SLC44A5: variants seen among roughly 807,000 people sequenced by gnomAD.
The protein encoded by SLC44A5 is solute carrier family 44 member 5.
SLC44A5 carries 57 observed loss-of-function variants against 101.8 expected under a neutral mutation model. The ratio of observed to expected loss-of-function variants is 0.56; its 90% CI spans 0.45 to 0.70. The LOEUF is 0.70. Among genes scored for constraint, SLC44A5 ranks in the 30% least tolerant of loss-of-function variants. SLC44A5 has a pLI of 0.00. For missense variants in SLC44A5, 737 were observed against 853.1 expected (o/e 0.86, Z 1.70); for synonymous variants, 281 against 290.9 (o/e 0.97, Z 0.35).
chr1:75,304,268 ATTGT>A (rs1654739861), intron 4 of SLC44A5, among the ~76,000 whole-genome samples: 1 of 148,392 alleles, frequency 6.7e-6, no homozygotes, highest in African/African-American at 2.5e-5. Context: ...GATTCACTTT[ATTGT>A]TTTAGAAAAA....
intron 2 of SLC44A5, among the ~76,000 whole-genome samples, chr1:75,492,781 C>T (rs1284238871): frequency 6.6e-6 from 1 of 152,166 alleles, no homozygotes; most frequent in Non-Finnish European, 1.5e-5. Context: ...TTACTCAGCA[C>T]GTCTTCTCCC....
At chr1:75,337,074 T>G (rs759281157) in intron 4 of SLC44A5, among the ~76,000 whole-genome samples, 6 of 152,154 alleles carry the variant, frequency 3.9e-5, no homozygotes, top group Non-Finnish European at 8.8e-5. Flanking sequence ...CACTTACATA[T>G]GCTGACTGTT....
rs1314384657 is a variant in SLC44A5 at position 75,599,037 on chromosome 1, T to C, written c.-70+12003A>G. On this transcript the variant is annotated intron_variant, in intron 1 of 23. Coordinates refer to ENST00000370859, the MANE Select transcript of SLC44A5 (RefSeq NM_001130058.2). ...TGCCAGTTATGCTAAATTAATGCAATTGAATATTACCAAACCATTTAAAAT... is the reference window on the plus strand; with the variant it reads ...TGCCAGTTATGCTAAATTAATGCAACTGAATATTACCAAACCATTTAAAAT... Among the ~76,000 whole-genome samples the C allele has an allele frequency of 2.6e-5, 4 of 152,302 alleles. No homozygotes were observed. The South Asian group carries it at 6.2e-4, about 24-fold the overall frequency.
At chr1:75,326,771 T>A (rs1656630508) in intron 4 of SLC44A5, among the ~76,000 whole-genome samples, 1 of 152,066 alleles carries the variant, frequency 6.6e-6, no homozygotes, top group African/African-American at 2.4e-5. Context: ...AGTAGAAAAT[T>A]AAATTATGGA....
At chr1:75,251,972 C>G (rs1649616223) in intron 6 of SLC44A5, among the ~76,000 whole-genome samples, 1 of 152,142 alleles carries the variant, frequency 6.6e-6, no homozygotes, top group African/African-American at 2.4e-5. Context: ...GAAGATAATA[C>G]TATTCCTACC....
chr1:75,230,497 C>T (rs1647454186), intron 12 of SLC44A5, among the ~76,000 whole-genome samples: 1 of 152,086 alleles, frequency 6.6e-6, no homozygotes, highest in Non-Finnish European at 1.5e-5. Context: ...GATCCACCTG[C>T]CTTAGCTTCC....
intron 2 of SLC44A5, among the ~76,000 whole-genome samples, chr1:75,475,602 T>C (rs920684760): frequency 5.3e-5 from 8 of 152,210 alleles, no homozygotes; most frequent in Non-Finnish European, 1.2e-4. Context: ...TTCCCACTAT[T>C]TTAACTGCCA....
chr1:75,695,710 AAT>A, the SLC44A5 span, among the ~76,000 whole-genome samples: 2 of 148,376 alleles, frequency 1.3e-5, no homozygotes, highest in Admixed American at 6.8e-5. Context: ...TGTATATAAA[AAT>A]ATATGACTTA....
At chr1:75,242,145 T>G (rs1315818757) in intron 8 of SLC44A5, 84 bp from the exon 9 acceptor site, 1 of 989,406 alleles carries the variant, frequency 1.0e-6, no homozygotes, top group Non-Finnish European at 1.5e-6. Context: ...CTTTAAAAAA[T>G]TTAACTCCAT....
chr1:75,597,179 C>T (rs1237513355), intron 1 of SLC44A5, among the ~76,000 whole-genome samples: 2 of 122,598 alleles, frequency 1.6e-5, no homozygotes, highest in African/African-American at 6.5e-5. Flanking sequence ...TAGAGCCAGA[C>T]TTTGTCTCAA....
chr1:75,206,756 G>A, intron 23 of SLC44A5: 1 of 1,165,132 alleles, frequency 8.6e-7, no homozygotes, highest in Non-Finnish European at 1.3e-6. Flanking sequence ...AAAAGCAGAA[G>A]CAGCAGAACA....
chr1:75,421,236 CATAG>C (rs1256979925), intron 2 of SLC44A5, among the ~76,000 whole-genome samples: 1 of 151,926 alleles, frequency 6.6e-6, no homozygotes, highest in African/African-American at 2.4e-5. Flanking sequence ...TTTTAATTAA[CATAG>C]ATAGAATGTG....
intron 6 of SLC44A5, among the ~76,000 whole-genome samples, chr1:75,273,273 G>A (rs1651641357): frequency 6.6e-6 from 1 of 152,050 alleles, no homozygotes; most frequent in South Asian, 2.1e-4. Flanking sequence ...TCGGGTCTAG[G>A]AGCCTTTTGG....
chr1:75,572,322 T>C (rs1037419369), intron 1 of SLC44A5, among the ~76,000 whole-genome samples: 5 of 152,092 alleles, frequency 3.3e-5, no homozygotes, highest in African/African-American at 1.2e-4. Context: ...AGGAACTGAA[T>C]GGATTCAGAA....
intron 4 of SLC44A5, chr1:75,311,674 G>A (rs1268113516): frequency 6.5e-6 from 3 of 461,400 alleles, no homozygotes; most frequent in Non-Finnish European, 8.5e-6. Context: ...ACACAGATGA[G>A]ATGCTTTCTC....
intron 3 of SLC44A5, among the ~76,000 whole-genome samples, chr1:75,362,458 G>T (rs1279841058): frequency 1.3e-5 from 2 of 151,718 alleles, no homozygotes; most frequent in Non-Finnish European, 2.9e-5. Context: ...TGTTTCTGGG[G>T]CATCCCATAA....
intron 2 of SLC44A5, among the ~76,000 whole-genome samples, chr1:75,502,124 A>G (rs1296059360): frequency 1.3e-5 from 2 of 152,322 alleles, no homozygotes; most frequent in African/African-American, 2.4e-5. Flanking sequence ...AACAAAAGCA[A>G]CAGAAGAAAG....
At chr1:75,290,914 G>T (rs191733533) in intron 5 of SLC44A5, among the ~76,000 whole-genome samples, 1 of 152,282 alleles carries the variant, frequency 6.6e-6, no homozygotes, top group Non-Finnish European at 1.5e-5. Flanking sequence ...AACAGCAATA[G>T]CAAAGAGCAA....
chr1:75,426,031 G>A (rs1664287970), intron 2 of SLC44A5, among the ~76,000 whole-genome samples: 1 of 146,472 alleles, frequency 6.8e-6, no homozygotes, highest in Admixed American at 6.7e-5. Context: ...CAAAGGAAGT[G>A]AAGGTGTCAG....
Sources: gnomAD v4.1 joint callset for allele counts (sites outside exome capture counted in the v4.1 genomes callset) on GRCh38, gnomAD v4.1.1 for gene constraint, MANE v1.5 for transcripts, NCBI Gene and HGNC (gene_info 2026-07-23, HGNC 2026-07-21) for gene names.